UBE2E2: variants seen among roughly 807,000 people sequenced by gnomAD.
UBE2E2 encodes ubiquitin-conjugating enzyme E2 E2.
UBE2E2 carries 6 observed loss-of-function variants against 24.7 expected under a neutral mutation model. The observed-to-expected ratio is 0.24, with a 90% CI of 0.13 to 0.48. The LOEUF is 0.48. Among genes scored for constraint, UBE2E2 ranks in the 20% least tolerant of loss-of-function variants. UBE2E2 has a pLI of 0.99. For synonymous variants in UBE2E2, 104 were observed against 83.6 expected (o/e 1.24, Z -1.33); for missense variants, 169 against 245.0 (o/e 0.69, Z 2.07).
At position 23,441,412 on chromosome 3, in the gene UBE2E2, G is replaced by A. The variant is rs193245395; in HGVS notation, c.228-58196G>A. 7.1e-4 allele frequency among the ~76,000 whole-genome samples: 107 copies of A among 151,034 alleles called. 1 individual carries two copies. In the East Asian group the frequency reaches 0.015, roughly 22 times the overall value. The stretch of plus-strand genomic sequence containing the variant: ...AAATTAGCTGGGCATGGTGGCGGGC[G>A]CCTGTAGTCCCAGCTACTCGGGAGG... On this transcript the variant is annotated intron_variant, in intron 3 of 5. Coordinates refer to ENST00000396703, the MANE Select transcript of UBE2E2 (RefSeq NM_152653.4).
At chr3:23,501,775 A>G (rs933119948) in intron 4 of UBE2E2, among the ~76,000 whole-genome samples, 7 of 152,300 alleles carry the variant, frequency 4.6e-5, no homozygotes, top group African/African-American at 1.4e-4. Context: ...ACTTGTGTGT[A>G]GCTCTACCTC....
intron 3 of UBE2E2, among the ~76,000 whole-genome samples, chr3:23,416,080 T>C (rs1697623840): frequency 6.6e-6 from 1 of 152,238 alleles, no homozygotes; most frequent in Non-Finnish European, 1.5e-5. Flanking sequence ...GAACTCATCC[T>C]TTTTTATGGC....
intron 3 of UBE2E2, among the ~76,000 whole-genome samples, chr3:23,448,727 G>T (rs2125414466): frequency 6.6e-6 from 1 of 152,116 alleles, no homozygotes; most frequent in Non-Finnish European, 1.5e-5. Flanking sequence ...CATCTTTCTT[G>T]TAATGTAGAC....
At chr3:23,576,260 A>G (rs1041239434) in intron 5 of UBE2E2, among the ~76,000 whole-genome samples, 5 of 152,182 alleles carry the variant, frequency 3.3e-5, no homozygotes, top group Non-Finnish European at 7.4e-5. Context: ...CTCTCATTTT[A>G]AGACAACTCA....
chr3:23,337,873 G>C (rs1191535540), intron 3 of UBE2E2, among the ~76,000 whole-genome samples: 1 of 152,182 alleles, frequency 6.6e-6, no homozygotes, highest in African/African-American at 2.4e-5. Context: ...ATGAGTGAAA[G>C]TAGAGTGATT....
intron 3 of UBE2E2, among the ~76,000 whole-genome samples, chr3:23,366,542 C>G (rs1696261194): frequency 1.3e-5 from 2 of 152,168 alleles, no homozygotes; most frequent in African/African-American, 4.8e-5. Context: ...CCCATGTTCT[C>G]TCTTACAGGT....
chr3:23,235,622 A>G (rs2125334652), intron 3 of UBE2E2, among the ~76,000 whole-genome samples: 1 of 152,290 alleles, frequency 6.6e-6, no homozygotes, highest in Admixed American at 6.5e-5. Flanking sequence ...GTTATAGATT[A>G]TGGCAGTAGC....
intron 3 of UBE2E2, among the ~76,000 whole-genome samples, chr3:23,350,000 T>C (rs534529419): frequency 6.6e-6 from 1 of 152,268 alleles, no homozygotes; most frequent in African/African-American, 2.4e-5. Context: ...AGGGGCACAC[T>C]GACACCTCAC....
In UBE2E2 at chr3:23,496,595, T is replaced by C. The variant is rs538212565; in HGVS notation, c.228-3013T>C. ...TTATTAAATGTATTTTTAAGATTCA[T>C]TCATGTTAATCTGTATATTGTCACT... On this transcript the variant is annotated intron_variant, in intron 3 of 5. Coordinates refer to ENST00000396703, the MANE Select transcript of UBE2E2 (RefSeq NM_152653.4). 1.1e-4 allele frequency among the ~76,000 whole-genome samples: 16 copies of C among 152,338 alleles called. No homozygotes were observed. In the South Asian group the frequency reaches 2.5e-3, roughly 24 times the overall value.
intron 3 of UBE2E2, among the ~76,000 whole-genome samples, chr3:23,360,961 AC>A (rs1271043573): frequency 6.6e-6 from 1 of 152,160 alleles, no homozygotes; most frequent in Non-Finnish European, 1.5e-5. Context: ...TCCAGAATCC[AC>A]AAGGAATGCA....
chr3:23,429,283 T>C (rs973359802), intron 3 of UBE2E2, among the ~76,000 whole-genome samples: 2 of 152,174 alleles, frequency 1.3e-5, no homozygotes, highest in African/African-American at 4.8e-5. Flanking sequence ...TTTTAATTCA[T>C]TCTGTGAGGC....
chr3:23,428,806 C>T lies in UBE2E2; in HGVS notation c.228-70802C>T, dbSNP rs552396278. On this transcript the variant is annotated intron_variant, in intron 3 of 5. Transcript: ENST00000396703. ...AACACCCCATTTCTACAAAAAATAGCCTGGTGCCACCACATCACAGTTACT... is the reference window on the plus strand; with the variant it reads ...AACACCCCATTTCTACAAAAAATAGTCTGGTGCCACCACATCACAGTTACT... 2.6e-5 allele frequency among the ~76,000 whole-genome samples: 4 copies of T among 151,420 alleles called. No individual in the cohort carries two copies. The Middle Eastern group carries it at 0.01, about 386-fold the overall frequency.
rs528410614 is a variant in UBE2E2, at chr3:23,350,526, C to T, written c.227+133214C>T. Reference sequence around the variant, plus strand: ...GAATGTATAACTAGAATAACCAATACAGAGAAGTGCTTAAAGGAGCTGATG... The same window carrying T: ...GAATGTATAACTAGAATAACCAATATAGAGAAGTGCTTAAAGGAGCTGATG... On this transcript the variant is annotated intron_variant, in intron 3 of 5. Coordinates refer to ENST00000396703, the MANE Select transcript of UBE2E2 (RefSeq NM_152653.4). Among the ~76,000 whole-genome samples the T allele has an allele frequency of 6.4e-4, 97 of 152,200 alleles. 1 individual carries two copies. Among genetic ancestry groups the T allele is most frequent in the African/African-American group, 2.3e-3 (96 of 41,520 alleles).
chr3:23,427,037 G>A (rs941895766), intron 3 of UBE2E2, among the ~76,000 whole-genome samples: 11 of 151,986 alleles, frequency 7.2e-5, no homozygotes, highest in African/African-American at 2.7e-4. Context: ...CTGTGAACTG[G>A]TATATATTTG....
At chr3:23,301,333 G>C (rs1036581075) in intron 3 of UBE2E2, among the ~76,000 whole-genome samples, 2 of 152,192 alleles carry the variant, frequency 1.3e-5, no homozygotes, top group African/African-American at 2.4e-5. Context: ...GTGAGGAGCT[G>C]CGTTCCTTTG....
chr3:23,293,249 T>A (rs1465789248), intron 3 of UBE2E2, among the ~76,000 whole-genome samples: 3 of 152,218 alleles, frequency 2.0e-5, no homozygotes, highest in Non-Finnish European at 4.4e-5. Flanking sequence ...ACCCCAATTC[T>A]GTTTCAGTCT....
Position 23,273,547 on chromosome 3 carries a change from G to T in UBE2E2, c.227+56235G>T, listed in dbSNP as rs188659174. Among the ~76,000 whole-genome samples the T allele has an allele frequency of 1.5e-4, 22 of 144,960 alleles. 2 individuals carry two copies. In the East Asian group the frequency reaches 4.4e-3, roughly 29 times the overall value. ...CTCCGTCTCAAAAAAAAAAAAAAGA[G>T]AGAGAAATGATGTACAGCAGGTCCT... On this transcript the variant is annotated intron_variant, in intron 3 of 5. Transcript: ENST00000396703.
intron 5 of UBE2E2, among the ~76,000 whole-genome samples, chr3:23,535,529 T>C (rs1162371519): frequency 1.3e-5 from 2 of 152,082 alleles, no homozygotes; most frequent in Admixed American, 6.6e-5. Context: ...AATCATTCTG[T>C]TTTCAATGCA....
intron 3 of UBE2E2, among the ~76,000 whole-genome samples, chr3:23,452,286 A>C (rs1698577523): frequency 6.6e-6 from 1 of 152,226 alleles, no homozygotes; most frequent in South Asian, 2.1e-4. Context: ...CAAGAGACAC[A>C]GTAGGAAGTT....
Sources: allele counts gnomAD v4.1 joint callset (sites outside exome capture counted in the v4.1 genomes callset), GRCh38; gene constraint gnomAD v4.1.1; transcripts MANE v1.5; gene names NCBI Gene and HGNC (gene_info 2026-07-23, HGNC 2026-07-21).